Variants in DCC observed in about 807,000 individuals in gnomAD.
DCC encodes netrin receptor DCC.
In DCC, 58 loss-of-function variants were observed where a neutral mutation model predicts 172.5. That is an observed-to-expected ratio of 0.34 (90% confidence interval 0.27 to 0.42). The LOEUF is 0.42. DCC is among the 10% of genes least tolerant of loss of function. DCC has a pLI of 1.00. For synonymous variants in DCC, 709 were observed against 644.5 expected (o/e 1.10, Z -1.52); for missense variants, 1,740 against 1,791.0 (o/e 0.97, Z 0.51).
rs181728018 is a variant in DCC, at chr18:53,070,993, T to A, written c.1261+4827T>A. Among the ~76,000 whole-genome samples the A allele has an allele frequency of 2.6e-3, 393 of 152,270 alleles. 1 individual carries two copies. Among genetic ancestry groups the A allele is most frequent in the Non-Finnish European group, 3.7e-3 (254 of 68,020 alleles). ...GCCCTCTCTGTTTAAGTTTTGACAA[T>A]AAACGGTCACCATATATTTTGAAGT... On this transcript the variant is annotated intron_variant, in intron 7 of 28. Transcript: ENST00000442544.
At chr18:52,504,385 G>T (rs1389291332) in intron 1 of DCC, among the ~76,000 whole-genome samples, 1 of 152,134 alleles carries the variant, frequency 6.6e-6, no homozygotes, top group African/African-American at 2.4e-5. Flanking sequence ...TGACTGGCTA[G>T]TACTTCCTGT....
intron 7 of DCC, among the ~76,000 whole-genome samples, chr18:53,101,119 G>A (rs928233421): frequency 4.6e-5 from 7 of 151,970 alleles, no homozygotes; most frequent in Admixed American, 6.6e-5. Context: ...ATAACAAATC[G>A]AATAGGAAAT....
At chr18:53,006,458 G>T (rs1227572440) in intron 5 of DCC, among the ~76,000 whole-genome samples, 1 of 152,096 alleles carries the variant, frequency 6.6e-6, no homozygotes, top group African/African-American at 2.4e-5. Context: ...AAAAATAGAA[G>T]AACTAGCAAA....
At position 53,328,818 on chromosome 18, in the gene DCC, C is replaced by G. The variant is rs951125867; in HGVS notation, c.2164+6661C>G. ...TCCTGACCTCAGGTGATCTGCCTGC[C>G]TCAGCCTCCCAGAGTGCTGAGATTA... is the stretch of plus-strand genomic sequence containing the variant. On this transcript the variant is annotated intron_variant, in intron 14 of 28. Coordinates refer to ENST00000442544, the MANE Select transcript of DCC (RefSeq NM_005215.4). 3.9e-5 allele frequency among the ~76,000 whole-genome samples: 6 copies of G among 152,306 alleles called. No individual in the cohort carries two copies. In the East Asian group the frequency reaches 9.7e-4, roughly 25 times the overall value.
At chr18:52,964,028 G>A (rs532047706) in intron 5 of DCC, among the ~76,000 whole-genome samples, 1 of 152,188 alleles carries the variant, frequency 6.6e-6, no homozygotes, top group Admixed American at 6.5e-5. Context: ...AATGGATAGA[G>A]ACAGCCTTGT....
chr18:53,184,945 A>C (rs879523711), intron 9 of DCC, among the ~76,000 whole-genome samples: 1 of 152,196 alleles, frequency 6.6e-6, no homozygotes, highest in East Asian at 1.9e-4. Flanking sequence ...ACTGCACTGC[A>C]CTGAGATTTG....
chr18:53,009,556 G>C (rs1424763011), intron 5 of DCC, among the ~76,000 whole-genome samples: 1 of 151,064 alleles, frequency 6.6e-6, no homozygotes, highest in Non-Finnish European at 1.5e-5. Flanking sequence ...AGGTTTGGAA[G>C]TTAGGTGACT....
rs1247899003 is a variant in DCC at position 53,478,454 on chromosome 18, T to G, written c.3737-8343T>G. Among the ~76,000 whole-genome samples the G allele has an allele frequency of 2.0e-5, 3 of 152,322 alleles. No homozygotes were observed. In the East Asian group the frequency reaches 5.8e-4, roughly 29 times the overall value. On this transcript the variant is annotated intron_variant, in intron 25 of 28. Coordinates refer to ENST00000442544, the MANE Select transcript of DCC (RefSeq NM_005215.4). ...AATAGGAACTAGGAAGGATATAGATTGAAGCAGATTAGCTGTAAGATCATT... is the reference window on the plus strand; with the variant it reads ...AATAGGAACTAGGAAGGATATAGATGGAAGCAGATTAGCTGTAAGATCATT...
intron 8 of DCC, among the ~76,000 whole-genome samples, chr18:53,169,320 C>T (rs1007693086): frequency 1.8e-4 from 28 of 152,180 alleles, no homozygotes; most frequent in East Asian, 3.8e-4. Flanking sequence ...AAAAAATTAA[C>T]GCTTCTTATT....
At chr18:52,781,238 C>T (rs112634818) in intron 2 of DCC, among the ~76,000 whole-genome samples, 3 of 152,144 alleles carry the variant, frequency 2.0e-5, no homozygotes, top group Non-Finnish European at 4.4e-5. Flanking sequence ...ACCCCTGCAA[C>T]TTCCTTGCAG....
chr18:53,085,719 G>A (rs776461966), intron 7 of DCC, among the ~76,000 whole-genome samples: 3 of 151,658 alleles, frequency 2.0e-5, no homozygotes, highest in Non-Finnish European at 4.4e-5. Context: ...GAAGATGGTA[G>A]AATCATCACT....
chr18:53,377,283 G>A (rs1907357942), intron 15 of DCC, among the ~76,000 whole-genome samples: 1 of 151,754 alleles, frequency 6.6e-6, no homozygotes, highest in African/African-American at 2.4e-5. Flanking sequence ...AGGAGCTGCT[G>A]CATCTGGTGA....
At chr18:52,380,591 G>A (rs1462876215) in intron 1 of DCC, among the ~76,000 whole-genome samples, 3 of 152,056 alleles carry the variant, frequency 2.0e-5, no homozygotes, top group Admixed American at 6.6e-5. Flanking sequence ...ACTGGATTTC[G>A]AGATTTAACC....
intron 1 of DCC, among the ~76,000 whole-genome samples, chr18:52,466,650 G>A (rs563647329): frequency 1.7e-4 from 26 of 152,050 alleles, no homozygotes; most frequent in Non-Finnish European, 2.6e-4. Context: ...TTGGCTATTC[G>A]ACCAAAATAA....
At chr18:52,829,202 T>G (rs1483623990) in intron 2 of DCC, among the ~76,000 whole-genome samples, 2 of 152,230 alleles carry the variant, frequency 1.3e-5, no homozygotes, top group Non-Finnish European at 2.9e-5. Context: ...GAGCTAACTT[T>G]TCTTTTCCTA....
intron 5 of DCC, among the ~76,000 whole-genome samples, chr18:53,060,769 C>T (rs2042483568): frequency 6.6e-6 from 1 of 152,052 alleles, no homozygotes; most frequent in South Asian, 2.1e-4. Flanking sequence ...GAAAATGAGT[C>T]CTACAACCCC....
chr18:53,439,203 G>A (rs1038669397), intron 22 of DCC, among the ~76,000 whole-genome samples: 1 of 152,052 alleles, frequency 6.6e-6, no homozygotes, highest in Non-Finnish European at 1.5e-5. Context: ...TTTAGCCTTG[G>A]CTATTACAAG....
intron 5 of DCC, among the ~76,000 whole-genome samples, chr18:52,963,142 T>C (rs1222676553): frequency 6.6e-6 from 1 of 151,692 alleles, no homozygotes; most frequent in African/African-American, 2.4e-5. Context: ...GAATTAAGAC[T>C]CCAGTAAAAA....
At chr18:53,300,532 AG>A (rs889649359) in intron 12 of DCC, among the ~76,000 whole-genome samples, 6 of 152,174 alleles carry the variant, frequency 3.9e-5, no homozygotes, top group African/African-American at 1.4e-4. Flanking sequence ...CTCGCATTAA[AG>A]TTCAAAGTTA....
Sources: gnomAD v4.1 joint callset for allele counts (sites outside exome capture counted in the v4.1 genomes callset) on GRCh38, gnomAD v4.1.1 for gene constraint, MANE v1.5 for transcripts, NCBI Gene and HGNC (gene_info 2026-07-23, HGNC 2026-07-21) for gene names.